The following GOSR2 variants were observed in gnomAD, a reference collection of about 807,000 sequenced individuals.
GOSR2 encodes 27 kDa Golgi SNARE protein.
A neutral mutation model predicts 27.9 loss-of-function variants in GOSR2; 20 were observed. The ratio of observed to expected loss-of-function variants is 0.72; its 90% CI spans 0.50 to 1.04. The LOEUF is 1.04. Among genes scored for constraint, GOSR2 ranks in the 50% least tolerant of loss-of-function variants. The probability of loss-of-function intolerance (pLI) is 0.00; values close to 1 mark genes in which losing one functional copy is unlikely to be tolerated. For missense variants in GOSR2, 261 were observed against 270.5 expected (o/e 0.97, Z 0.25); for synonymous variants, 91 against 98.8 (o/e 0.92, Z 0.47).
chr17:46,935,955 C>T, intron 5 of GOSR2: 1 of 985,874 alleles, frequency 1.0e-6, no homozygotes, highest in Non-Finnish European at 1.2e-6. Flanking sequence ...GAGAAACAGT[C>T]ACTCGGAAGT....
At chr17:46,934,992 A>C in intron 4 of GOSR2, 37 bp from the exon 5 acceptor site, 2 of 1,599,982 alleles carry the variant, frequency 1.3e-6, no homozygotes, top group Non-Finnish European at 1.7e-6. Context: ...ACTGACTGAT[A>C]AGCAAAGTTA....
intron 5 of GOSR2, chr17:46,936,264 A>G: frequency 2.0e-6 from 2 of 985,382 alleles, no homozygotes; most frequent in African/African-American, 3.5e-5. Context: ...TCTCAGAAAA[A>G]CAGTAGAGGC....
intron 6 of GOSR2, among the ~76,000 whole-genome samples, chr17:46,953,947 A>C (rs2090546801): frequency 6.6e-6 from 1 of 152,148 alleles, no homozygotes; most frequent in South Asian, 2.1e-4. Context: ...CCTTTGTCAG[A>C]TGAGTAGATT....
chr17:46,936,684 G>A, intron 5 of GOSR2: 1 of 985,136 alleles, frequency 1.0e-6, no homozygotes, highest in Non-Finnish European at 1.2e-6. Flanking sequence ...TGATTTAGAA[G>A]GTTGATCCTT....
chr17:46,925,862 A>G (rs893258110), intron 1 of GOSR2, among the ~76,000 whole-genome samples: 2 of 152,254 alleles, frequency 1.3e-5, no homozygotes, highest in Non-Finnish European at 2.9e-5. Flanking sequence ...AAAATAATGA[A>G]TGAATGAAAA....
chr17:46,962,081 C>G (rs2147304251), intron 6 of GOSR2, among the ~76,000 whole-genome samples: 1 of 152,238 alleles, frequency 6.6e-6, no homozygotes, highest in Admixed American at 6.5e-5. Context: ...CCTGTAATCT[C>G]AGCATTTTGG....
chr17:46,954,100 A>G (rs991001014), intron 6 of GOSR2, among the ~76,000 whole-genome samples: 2 of 152,208 alleles, frequency 1.3e-5, no homozygotes, highest in Admixed American at 6.5e-5. Context: ...TTAGACATGA[A>G]GTCCTTGCCC....
chr17:46,974,836 C>T (rs1196814526), intron 6 of GOSR2, among the ~76,000 whole-genome samples: 2 of 152,146 alleles, frequency 1.3e-5, no homozygotes, highest in African/African-American at 4.8e-5. Flanking sequence ...GCCTCAGTTT[C>T]CTCATCTGTA....
chr17:46,930,048 T>TC, intron 2 of GOSR2: 1 of 29,650 alleles, frequency 3.4e-5, no homozygotes, highest in Non-Finnish European at 1.0e-4. Context: ...TTTTTTTTCA[T>TC]TTTTTTTTTT....
chr17:46,956,976 G>C (rs9910899), intron 6 of GOSR2, among the ~76,000 whole-genome samples: 61,217 of 152,108 alleles, frequency 0.4, 12,545 homozygotes, highest in South Asian at 0.48. Flanking sequence ...AAAGGTTGCG[G>C]GGGTGAGCTG....
At chr17:46,965,406 C>T (rs2091270523) in intron 6 of GOSR2, among the ~76,000 whole-genome samples, 1 of 152,226 alleles carries the variant, frequency 6.6e-6, no homozygotes, top group African/African-American at 2.4e-5. Context: ...ACTATGACTT[C>T]TGTGGCACCC....
intron 5 of GOSR2, chr17:46,937,241 T>C (rs2088548919): frequency 6.6e-6 from 1 of 152,214 alleles, no homozygotes; most frequent in Non-Finnish European, 1.5e-5. Context: ...TGTTGGTGTC[T>C]TTCCGTCTTT....
intron 6 of GOSR2, among the ~76,000 whole-genome samples, chr17:46,948,341 G>A (rs1233788822): frequency 1.3e-5 from 2 of 152,218 alleles, no homozygotes; most frequent in East Asian, 1.9e-4. Context: ...TTGTTCACTA[G>A]CATTGCATAG....
chr17:46,929,555 TGGAGACGGCAGACAAGCA>T lies in GOSR2; in HGVS notation c.67_84del (p.Glu23_Gln28del), dbSNP rs1197665064. Reference sequence around the variant, plus strand: ...GAGATCCAGTCTTGCATGGGACGCCTGGAGACGGCAGACAAGCAGTCTGTGCACAGTGAGTAATTAACT... The same window carrying T: ...GAGATCCAGTCTTGCATGGGACGCCTGTCTGTGCACAGTGAGTAATTAACT... On this transcript the variant is annotated inframe_deletion, in exon 2 of 6. Coordinates refer to ENST00000640051, the MANE Select transcript of GOSR2 (RefSeq NM_004287.5). The T allele has an allele frequency of 6.4e-7, 1 of 1,569,154 alleles. No individual in the cohort carries two copies. The highest frequency in any genetic ancestry group is 8.8e-7 in the Non-Finnish European group (1 of 1,139,092).
chr17:46,944,127 A>G (rs1373466568), downstream of GOSR2, among the ~76,000 whole-genome samples: 1 of 152,214 alleles, frequency 6.6e-6, no homozygotes. Flanking sequence ...TCCTCAGAAG[A>G]CAGTGGCTGA....
At chr17:46,931,774 T>G in intron 3 of GOSR2, 1 of 488,094 alleles carries the variant, frequency 2.0e-6, no homozygotes, top group South Asian at 2.1e-5. Flanking sequence ...CAAGAAGAGG[T>G]CAGTGAGCCT....
chr17:46,929,530 G>A lies in GOSR2; in HGVS notation c.40G>A (p.Glu14Lys), dbSNP rs113817924. The change falls in exon 2 of 6, where the codon GAG (glutamate) becomes AAG (lysine). Residue 14 changes from glutamate (E) to lysine (K), a missense_variant. Glu to Lys is a moderately conservative substitution (Grantham distance 56, BLOSUM62 1). Coordinates refer to ENST00000640051, the MANE Select transcript of GOSR2 (RefSeq NM_004287.5). The stretch of plus-strand genomic sequence containing the variant: ...CTCTTCCTTTGATAGGCAGGTCCAC[G>A]AGATCCAGTCTTGCATGGGACGCCT... ...LFQQTHKQVH[E>K]IQSCMGRLET... 4.1e-4 allele frequency: 641 copies of A among 1,549,904 alleles called. 3 individuals are homozygous for A. In the African/African-American group the frequency reaches 7.7e-3, roughly 19 times the overall value.
chr17:46,962,216 C>T (rs773158617), intron 6 of GOSR2, among the ~76,000 whole-genome samples: 11 of 151,918 alleles, frequency 7.2e-5, no homozygotes, highest in Non-Finnish European at 1.5e-4. Context: ...GTAATCCTAG[C>T]TACTCAGGAG....
downstream of GOSR2, among the ~76,000 whole-genome samples, chr17:46,970,453 T>C (rs2091379516): frequency 6.9e-6 from 1 of 145,752 alleles, no homozygotes; most frequent in Non-Finnish European, 1.5e-5. Flanking sequence ...AGTAGGAGAA[T>C]TGCTTGAACC....
Sources: gnomAD v4.1 joint callset for allele counts (sites outside exome capture counted in the v4.1 genomes callset) on GRCh38, gnomAD v4.1.1 for gene constraint, MANE v1.5 for transcripts, NCBI Gene and HGNC (gene_info 2026-07-23, HGNC 2026-07-21) for gene names.